The following COMMD6 variants were observed in gnomAD, a reference collection of about 807,000 sequenced individuals.
The protein encoded by COMMD6 is COMM domain containing 6, also known as COMM domain-containing protein 6.
A neutral mutation model predicts 13.4 loss-of-function variants in COMMD6; 11 were observed. That is an observed-to-expected ratio of 0.82 (90% CI 0.52 to 1.36). The LOEUF is 1.36. COMMD6 is among the 40% of genes most tolerant of loss of function. The probability of loss-of-function intolerance (pLI) is 0.00; values close to 1 mark genes in which losing one functional copy is unlikely to be tolerated. For missense variants in COMMD6, 124 were observed against 102.4 expected, an observed-to-expected ratio of 1.21 and a Z score of -0.91; for synonymous variants, 43 against 36.5, an observed-to-expected ratio of 1.18 and a Z score of -0.64.
intron 2 of COMMD6, 154 bp downstream of exon 2, chr13:75,537,510 C>T: frequency 6.4e-7 from 1 of 1,564,316 alleles, no homozygotes; most frequent in South Asian, 1.2e-5. Flanking sequence ...GGCTCAGGTG[C>T]AAAAGAGAAG....
At chr13:75,537,467 AGAG>A in intron 2 of COMMD6, 194 bp downstream of exon 2, 1 of 1,552,052 alleles carries the variant, frequency 6.4e-7, no homozygotes, top group Non-Finnish European at 8.7e-7. Context: ...AGGGTGGGGA[AGAG>A]GAGCTTTCAT....
At chr13:75,528,813 A>G (rs938952296) in intron 3 of COMMD6, among the ~76,000 whole-genome samples, 33 of 151,774 alleles carry the variant, frequency 2.2e-4, no homozygotes, top group African/African-American at 7.3e-4. Context: ...TTGCACTGCA[A>G]TTGCATCCAG....
At chr13:75,537,906 A>C (rs2030742635), upstream of COMMD6, 1 of 1,260,510 alleles carries the variant, frequency 7.9e-7, no homozygotes, top group Admixed American at 2.3e-5. Flanking sequence ...CATGGGGCGG[A>C]CGTAGCAGGG....
intron 3 of COMMD6, among the ~76,000 whole-genome samples, chr13:75,529,546 A>C (rs1399073698): frequency 6.1e-5 from 8 of 132,148 alleles, no homozygotes; most frequent in Non-Finnish European, 1.3e-4. Context: ...AAAAAAAAAA[A>C]AGAAAACCTG....
At chr13:75,528,955 G>T (rs1264556891) in intron 3 of COMMD6, among the ~76,000 whole-genome samples, 1 of 151,980 alleles carries the variant, frequency 6.6e-6, no homozygotes, top group Non-Finnish European at 1.5e-5. Flanking sequence ...ATATGAAAGG[G>T]TTTTCTTTAA....
At chr13:75,542,982 C>T (rs1232842188), upstream of COMMD6, among the ~76,000 whole-genome samples, 2 of 152,190 alleles carry the variant, frequency 1.3e-5, no homozygotes. Context: ...ACATATACAC[C>T]ATGGTATACT....
At chr13:75,531,362 T>C (rs1210548580) in intron 2 of COMMD6, among the ~76,000 whole-genome samples, 1 of 152,184 alleles carries the variant, frequency 6.6e-6, no homozygotes, top group Non-Finnish European at 1.5e-5. Flanking sequence ...TTTTCTATTT[T>C]AGGACTTTTG....
rs572357276 is a variant in COMMD6 at position 75,527,685 on chromosome 13, A to C, written c.208-1046T>G. On this transcript the variant is annotated intron_variant, in intron 3 of 3. Coordinates refer to ENST00000682242, the MANE Select transcript of COMMD6 (RefSeq NM_203495.4). ...TATCACACAGCCATAAAAAAGAAGG[A>C]AATCCTGCCATTTGCAACAACATGG... 21 of 997,596 alleles carry C rather than the reference A, an allele frequency of 2.1e-5. No individual in the cohort carries two copies. The East Asian group carries it at 7.0e-4, about 33-fold the overall frequency. 61.8% of individuals were successfully genotyped at this position (997,596 alleles called of 1,614,324 possible).
intron 1 of COMMD6, among the ~76,000 whole-genome samples, chr13:75,544,223 G>A (rs1214886063): frequency 2.6e-5 from 4 of 152,066 alleles, no homozygotes; most frequent in African/African-American, 4.8e-5. Flanking sequence ...AGTTTAAAGT[G>A]GGACTTAAAA....
intron 1 of COMMD6, among the ~76,000 whole-genome samples, chr13:75,546,489 T>A (rs1460311346): frequency 6.6e-6 from 1 of 152,232 alleles, no homozygotes; most frequent in East Asian, 1.9e-4. Flanking sequence ...ACAAGTACTC[T>A]TGTTAAGGCA....
chr13:75,545,760 C>T (rs1002384831), intron 1 of COMMD6, among the ~76,000 whole-genome samples: 11 of 152,106 alleles, frequency 7.2e-5, no homozygotes, highest in Non-Finnish European at 1.5e-4. Flanking sequence ...TGTCAGCCAC[C>T]GAGCCCAGCC....
At chr13:75,531,932 C>T (rs950840494) in intron 2 of COMMD6, among the ~76,000 whole-genome samples, 3 of 152,078 alleles carry the variant, frequency 2.0e-5, no homozygotes, top group Non-Finnish European at 2.9e-5. Flanking sequence ...TCATAATAGC[C>T]CTAAACTGAA....
At chr13:75,534,366 T>A (rs2030591640) in intron 2 of COMMD6, among the ~76,000 whole-genome samples, 1 of 152,186 alleles carries the variant, frequency 6.6e-6, no homozygotes, top group Admixed American at 6.5e-5. Flanking sequence ...CAAGACACTG[T>A]GCAAAGTCAG....
At chr13:75,549,397 C>G (rs1466495690) in exon 1 of COMMD6, 1 of 192,578 alleles carries the variant, frequency 5.2e-6, no homozygotes, top group African/African-American at 2.3e-5. Context: ...GAATAGGACT[C>G]CGCGGCACGC....
At chr13:75,535,959 C>T (rs1020530026) in intron 2 of COMMD6, among the ~76,000 whole-genome samples, 1 of 152,070 alleles carries the variant, frequency 6.6e-6, no homozygotes, top group Non-Finnish European at 1.5e-5. Context: ...GTAATCACAG[C>T]TCACTGCTGC....
At chr13:75,537,520 G>A (rs1270728259) in intron 2 of COMMD6, 144 bp downstream of exon 2, 4 of 1,573,628 alleles carry the variant, frequency 2.5e-6, no homozygotes, top group East Asian at 2.4e-5. Context: ...CAAAAGAGAA[G>A]GAGCAATGCA....
At chr13:75,536,426 AAT>A (rs1365987488) in intron 2 of COMMD6, among the ~76,000 whole-genome samples, 49 of 152,328 alleles carry the variant, frequency 3.2e-4, no homozygotes, top group African/African-American at 1.2e-3. Context: ...AAAATCTATG[AAT>A]ATGTTACCTT....
At chr13:75,531,715 T>C (rs187338056) in intron 2 of COMMD6, among the ~76,000 whole-genome samples, 285 of 152,312 alleles carry the variant, frequency 1.9e-3, no homozygotes, top group African/African-American at 6.3e-3. Flanking sequence ...ATTCCAAGTA[T>C]TGGCAAGGAA....
chr13:75,543,674 T>C (rs1379859422), upstream of COMMD6, among the ~76,000 whole-genome samples: 2 of 152,226 alleles, frequency 1.3e-5, no homozygotes, highest in Non-Finnish European at 2.9e-5. Context: ...TCAGCTTTCT[T>C]AGCTGTAAAA....
Sources: allele counts gnomAD v4.1 joint callset (sites outside exome capture counted in the v4.1 genomes callset), GRCh38; gene constraint gnomAD v4.1.1; transcripts MANE v1.5; gene names NCBI Gene and HGNC (gene_info 2026-07-23, HGNC 2026-07-21).